RUNX3: variants seen among roughly 807,000 people sequenced by gnomAD.
RUNX3 encodes RUNX family transcription factor 3.
A neutral mutation model predicts 27.7 loss-of-function variants in RUNX3; 10 were observed. The observed-to-expected ratio is 0.36, with a 90% CI of 0.22 to 0.61. RUNX3 has a LOEUF of 0.61. RUNX3 is among the 20% of genes least tolerant of loss of function. The pLI is 0.72. For missense variants in RUNX3, 469 were observed against 629.5 expected, an observed-to-expected ratio of 0.75 and a Z score of 2.73; for synonymous variants, 270 against 269.2, an observed-to-expected ratio of 1.00 and a Z score of -0.03.
intron 2 of RUNX3, among the ~76,000 whole-genome samples, chr1:24,958,873 C>CG (rs1367792637): frequency 6.6e-6 from 1 of 152,104 alleles, no homozygotes; most frequent in Non-Finnish European, 1.5e-5. Context: ...TCCCCAACTA[C>CG]GGGGGGTGGG....
At chr1:24,921,324 G>A (rs893738905) in intron 2 of RUNX3, among the ~76,000 whole-genome samples, 4 of 152,190 alleles carry the variant, frequency 2.6e-5, no homozygotes, top group African/African-American at 9.7e-5. Flanking sequence ...CAGCCAGGCT[G>A]CCAGGAGCCA....
intron 2 of RUNX3, among the ~76,000 whole-genome samples, chr1:24,952,623 T>C (rs1027897163): frequency 9.2e-5 from 14 of 152,144 alleles, no homozygotes; most frequent in African/African-American, 3.1e-4. Context: ...CAGGGATGAG[T>C]GGCTCCACCT....
intron 1 of RUNX3, chr1:24,964,733 T>A (rs1365319668): frequency 4.8e-6 from 7 of 1,462,086 alleles, no homozygotes; most frequent in African/African-American, 1.4e-5. Context: ...TGTCTCTTTT[T>A]TCCCCCCTGC....
At chr1:24,934,944 C>T (rs890115015), upstream of RUNX3, among the ~76,000 whole-genome samples, 2 of 152,172 alleles carry the variant, frequency 1.3e-5, no homozygotes, top group Non-Finnish European at 2.9e-5. Context: ...CAGGGTCATT[C>T]GGGAGGGTCC....
In RUNX3 at chr1:24,943,408, G is replaced by A. The variant is rs747901038; in HGVS notation, c.59-13556C>T. On this transcript the variant is annotated intron_variant, in intron 2 of 6. Coordinates refer to the RUNX3 transcript ENST00000338888. The surrounding 1 kb of genome is among the most constrained non-coding windows in gnomAD (Gnocchi z 4.6). ...TAGCTCCCACTGATGGTGTGCTCAC[G>A]GTGCCAGGCACGGTTCTGAGAACTC... 2.6e-5 allele frequency among the ~76,000 whole-genome samples: 4 copies of A among 152,116 alleles called. No individual in the cohort carries two copies. Among genetic ancestry groups the A allele is most frequent in the African/African-American group, 7.2e-5 (3 of 41,420 alleles).
intron 4 of RUNX3, among the ~76,000 whole-genome samples, chr1:24,905,676 T>C (rs1011011387): frequency 1.3e-5 from 2 of 152,228 alleles, no homozygotes; most frequent in African/African-American, 4.8e-5. Flanking sequence ...TCTCCTTCCA[T>C]GGGGGCTGGT....
chr1:24,921,844 C>T (rs1246811415), intron 2 of RUNX3, among the ~76,000 whole-genome samples: 1 of 152,250 alleles, frequency 6.6e-6, no homozygotes, highest in African/African-American at 2.4e-5. Flanking sequence ...TGCCACAGGG[C>T]CCCGGGCCCA....
At position 24,920,989 on chromosome 1, in the gene RUNX3, CT is replaced by C. The variant is rs748036876; in HGVS notation, c.440-1646del. Among the ~76,000 whole-genome samples the C allele has an allele frequency of 4.6e-5, 7 of 152,256 alleles. No individual in the cohort carries two copies. In the South Asian group the frequency reaches 6.2e-4, roughly 14 times the overall value. On this transcript the variant is annotated intron_variant, in intron 2 of 4. Coordinates refer to ENST00000308873, the MANE Select transcript of RUNX3 (RefSeq NM_004350.3). ...ATCCCCCAAGCCAGACTTTATCCCCCTATCCCTGCCTCTGGATCCCACGTAC... is the reference window on the plus strand; with the variant it reads ...ATCCCCCAAGCCAGACTTTATCCCCCATCCCTGCCTCTGGATCCCACGTAC...
intron 2 of RUNX3, among the ~76,000 whole-genome samples, chr1:24,924,360 C>CA (rs1173918273): frequency 6.7e-6 from 1 of 149,670 alleles, no homozygotes; most frequent in Non-Finnish European, 1.5e-5. Context: ...GACCTTGTCC[C>CA]AAAAAAAAGT....
chr1:24,964,610 G>C (rs1270112914), exon 2 of RUNX3: 4 of 1,592,226 alleles, frequency 2.5e-6, no homozygotes, highest in Middle Eastern at 1.7e-4. Context: ...CAGCCCTTCA[G>C]GGGGTTGGGT....
At position 24,929,376 on chromosome 1, in the gene RUNX3, C is replaced by A. The variant is rs1237911068; in HGVS notation, c.282+211G>T. The stretch of plus-strand genomic sequence containing the variant: ...CCAAAACCCAGGTGGAGCGGGGCAA[C>A]CCCGTTAAAAGTCATTCCTGCAGGG... On this transcript the variant is annotated intron_variant, in intron 1 of 4. Coordinates refer to ENST00000308873, the MANE Select transcript of RUNX3 (RefSeq NM_004350.3). The A allele has an allele frequency of 5.7e-6, 4 of 704,088 alleles. No individual in the cohort carries two copies. The Admixed American group carries it at 6.0e-5, about 11-fold the overall frequency. 43.6% of individuals were successfully genotyped at this position (704,088 alleles called of 1,614,324 possible).
chr1:24,920,255 C>T (rs1571316119), intron 2 of RUNX3, among the ~76,000 whole-genome samples: 1 of 150,256 alleles, frequency 6.7e-6, no homozygotes, highest in African/African-American at 2.5e-5. Context: ...TGAAAGTGAC[C>T]TTCTGTTTAT....
intron 2 of RUNX3, among the ~76,000 whole-genome samples, chr1:24,924,719 G>C (rs908146305): frequency 3.3e-5 from 5 of 152,094 alleles, no homozygotes; most frequent in Non-Finnish European, 7.4e-5. Context: ...CTCCATCATA[G>C]CTATGGAATA....
rs778717606 is a variant in RUNX3, at chr1:24,902,323, G to A, written c.1047C>T (p.Ser349=). 4 of 1,609,648 alleles carry A rather than the reference G, an allele frequency of 2.5e-6. No individual in the cohort carries two copies. In the East Asian group the frequency reaches 8.9e-5, roughly 36 times the overall value. ...TAGGTGAGCGGTCGCCCCCACTGCTGCTGCCGGCCACCATGGAGAACTGGT... is the reference window on the plus strand; with the variant it reads ...TAGGTGAGCGGTCGCCCCCACTGCTACTGCCGGCCACCATGGAGAACTGGT... ...GSYQFSMVAG[S]SSGGDRSPTR... is the part of the protein sequence containing the mutation. Residue 349 remains serine, a synonymous_variant, in exon 5 of 5, where the codon AGC becomes AGT. Transcript: ENST00000308873. This position sits in a 1 kb window ranked among gnomAD's most constrained non-coding sequence, Gnocchi z 9.2.
At position 24,901,568 on chromosome 1, in the gene RUNX3, C is replaced by A; in HGVS notation, c.*554G>T. The A allele has an allele frequency of 6.5e-6, 1 of 154,216 alleles. No homozygotes were observed. The highest frequency in any genetic ancestry group is 1.4e-5 in the Non-Finnish European group (1 of 69,426). The allele number at this position is 154,216 out of a possible 1,614,324, so 9.6% of individuals were successfully genotyped here. The stretch of plus-strand genomic sequence containing the variant: ...AGCAGCGTGCTGGGTCCTGCCCCAT[C>A]TGTACAATGAGGGGAACCCCGCTCG... On this transcript the variant is annotated 3_prime_UTR_variant, in exon 5 of 5. Coordinates refer to ENST00000308873, the MANE Select transcript of RUNX3 (RefSeq NM_004350.3).
rs376273317 is a variant in RUNX3 at position 24,902,199 on chromosome 1, C to T, written c.1171G>A (p.Asp391Asn). The change falls in exon 5 of 5, where the codon GAC (aspartate) becomes AAC (asparagine). Residue 391 changes from aspartate to asparagine, a missense_variant. Asp to Asn is a conservative substitution (Grantham distance 23). Coordinates refer to ENST00000308873, the MANE Select transcript of RUNX3 (RefSeq NM_004350.3). The surrounding 1 kb of genome is among the most constrained non-coding windows in gnomAD (Gnocchi z 9.2). ...GTGGGTGAGTTGCTGTGGCTGCCGTCGGCCTCCACGCCATCACTCTGGCCG... is the reference window on the plus strand; with the variant it reads ...GTGGGTGAGTTGCTGTGGCTGCCGTTGGCCTCCACGCCATCACTCTGGCCG... Reference protein sequence around the residue: ...LGGQSDGVEADGSHSNSPTAL... With the variant: ...LGGQSDGVEANGSHSNSPTAL... 8.9e-6 allele frequency: 14 copies of T among 1,569,040 alleles called. No homozygotes were observed. The highest frequency in any genetic ancestry group is 2.1e-4 in the Middle Eastern group (1 of 4,712).
intron 2 of RUNX3, among the ~76,000 whole-genome samples, chr1:24,945,425 G>A (rs1557855516): frequency 6.6e-6 from 1 of 152,186 alleles, no homozygotes; most frequent in South Asian, 2.1e-4. Context: ...AATGCCTACA[G>A]GGTAAAGTGT....
chr1:24,922,174 T>C (rs1168683090), intron 2 of RUNX3, among the ~76,000 whole-genome samples: 1 of 151,060 alleles, frequency 6.6e-6, no homozygotes, highest in African/African-American at 2.4e-5. Context: ...CTTTCCTTTC[T>C]TTTCTTTCTT....
chr1:24,916,499 G>A lies in RUNX3; in HGVS notation c.544+2741C>T, dbSNP rs1640891975. 1.3e-5 allele frequency among the ~76,000 whole-genome samples: 2 copies of A among 152,174 alleles called. No individual in the cohort carries two copies. The highest frequency in any genetic ancestry group is 6.5e-5 in the Admixed American group (1 of 15,280). ...GGTTGCCCAAGAGATCAGTTACTGG[G>A]GACTTTGCACAGGGCCTGACGCAAG... On this transcript the variant is annotated intron_variant, in intron 3 of 4. Coordinates refer to ENST00000308873, the MANE Select transcript of RUNX3 (RefSeq NM_004350.3). This position sits in a 1 kb window ranked among gnomAD's most constrained non-coding sequence, Gnocchi z 4.8.
Sources: gnomAD v4.1 joint callset for allele counts (sites outside exome capture counted in the v4.1 genomes callset) on GRCh38, gnomAD v4.1.1 for gene constraint, Gnocchi (gnomAD v3.1) non-coding constraint, MANE v1.5 for transcripts, NCBI Gene and HGNC (gene_info 2026-07-23, HGNC 2026-07-21) for gene names.